Variants in SLC25A31 observed in about 807,000 individuals in gnomAD.
The protein encoded by SLC25A31 is ADP/ATP translocase 4.
In SLC25A31, 40 loss-of-function variants were observed where a neutral mutation model predicts 36.2. The observed-to-expected ratio is 1.10, with a 90% confidence interval of 0.86 to 1.44. The LOEUF (loss-of-function observed/expected upper bound fraction) is 1.44, where lower values mean the gene tolerates loss of function less well. SLC25A31 is among the 40% of genes most tolerant of loss of function. The probability of loss-of-function intolerance (pLI) is 0.00; values close to 1 mark genes in which losing one functional copy is unlikely to be tolerated. For synonymous variants in SLC25A31, 143 were observed against 149.7 expected (o/e 0.96, Z 0.32); for missense variants, 350 against 397.1 (o/e 0.88, Z 1.01).
chr4:127,740,712 A>G (rs890141337), intron 1 of SLC25A31, among the ~76,000 whole-genome samples: 6 of 152,098 alleles, frequency 3.9e-5, no homozygotes, highest in African/African-American at 4.8e-5. Flanking sequence ...TGTGAAGCTG[A>G]GAAGGCCTCC....
intron 2 of SLC25A31, among the ~76,000 whole-genome samples, chr4:127,748,425 A>G (rs1241424826): frequency 6.6e-6 from 1 of 152,018 alleles, no homozygotes; most frequent in Admixed American, 6.6e-5. Context: ...AGCCCCTGTC[A>G]CCCATGGACC....
chr4:127,773,344 G>T (rs1402252767), intron 5 of SLC25A31, 42 bp from the exon 6 acceptor site: 6 of 1,548,908 alleles, frequency 3.9e-6, no homozygotes, highest in Non-Finnish European at 5.3e-6. Flanking sequence ...TAAGATAAAA[G>T]ATATTCAGAT....
chr4:127,753,391 G>T (rs1317504280), intron 2 of SLC25A31, among the ~76,000 whole-genome samples: 1 of 152,014 alleles, frequency 6.6e-6, no homozygotes, highest in Non-Finnish European at 1.5e-5. Flanking sequence ...CTAAGAGTGG[G>T]TTCTTTGAAC....
At chr4:127,742,424 T>C (rs1476519086) in intron 1 of SLC25A31, among the ~76,000 whole-genome samples, 2 of 151,932 alleles carry the variant, frequency 1.3e-5, no homozygotes, top group Admixed American at 6.5e-5. Context: ...ACCAAGTCCT[T>C]CTTCTTATTC....
chr4:127,766,408 C>T (rs548932698), intron 3 of SLC25A31, among the ~76,000 whole-genome samples: 18 of 150,980 alleles, frequency 1.2e-4, no homozygotes, highest in African/African-American at 4.4e-4. Context: ...CCTCGTGATC[C>T]ACCCACCTCA....
At chr4:127,744,068 C>G (rs1420327597) in intron 1 of SLC25A31, among the ~76,000 whole-genome samples, 1 of 152,050 alleles carries the variant, frequency 6.6e-6, no homozygotes, top group Non-Finnish European at 1.5e-5. Context: ...TTGGTCAATC[C>G]CTGGAGAATT....
intron 2 of SLC25A31, among the ~76,000 whole-genome samples, chr4:127,755,894 G>A (rs1057225040): frequency 3.9e-5 from 6 of 152,268 alleles, no homozygotes; most frequent in East Asian, 3.9e-4. Context: ...TTAGCTGAGC[G>A]TGGTGGTGTG....
At chr4:127,755,185 A>G (rs759652237) in intron 2 of SLC25A31, among the ~76,000 whole-genome samples, 1 of 152,190 alleles carries the variant, frequency 6.6e-6, no homozygotes. Context: ...AACATAAAAC[A>G]TTGGGGAAAA....
chr4:127,740,433 T>C (rs1442766248), intron 1 of SLC25A31, among the ~76,000 whole-genome samples: 1 of 152,146 alleles, frequency 6.6e-6, no homozygotes, highest in East Asian at 1.9e-4. Context: ...AGGTTTTATA[T>C]TGGGCTATGG....
At position 127,774,065 on chromosome 4, in the gene SLC25A31, A is replaced by T. The variant is rs1269737995; in HGVS notation, c.*491A>T. 1 of 152,254 alleles carries T rather than the reference A, an allele frequency of 6.6e-6. No homozygotes were observed. Among genetic ancestry groups the T allele is most frequent in the Non-Finnish European group, 1.5e-5 (1 of 68,072 alleles). The allele number at this position is 152,254 out of a possible 1,614,324, so 9.4% of individuals were successfully genotyped here. On this transcript the variant is annotated 3_prime_UTR_variant, in exon 6 of 6. Coordinates refer to ENST00000281154, the MANE Select transcript of SLC25A31 (RefSeq NM_031291.4). ...TCTAAGACAGTTGTTATTACTGTGT[A>T]TAATATTTACAGTATCAGCCTTTGA... is the stretch of plus-strand genomic sequence containing the variant.
At chr4:127,731,337 G>C (rs1451051018) in intron 1 of SLC25A31, among the ~76,000 whole-genome samples, 2 of 151,958 alleles carry the variant, frequency 1.3e-5, no homozygotes, top group African/African-American at 4.8e-5. Flanking sequence ...AAGACCAAGG[G>C]GGTACTTCGT....
intron 1 of SLC25A31, among the ~76,000 whole-genome samples, chr4:127,743,135 T>C (rs959789338): frequency 3.3e-5 from 5 of 150,490 alleles, no homozygotes; most frequent in African/African-American, 9.7e-5. Context: ...CTTTTCTTTT[T>C]TTTTTTTTTT....
intron 1 of SLC25A31, among the ~76,000 whole-genome samples, chr4:127,744,129 T>A (rs1438486729): frequency 2.0e-5 from 3 of 152,220 alleles, no homozygotes; most frequent in East Asian, 3.8e-4. Context: ...TCTCCCTCAG[T>A]TCTCTAGAAA....
rs1732199661 is a variant in SLC25A31, at chr4:127,764,360, G to A, written c.478G>A (p.Gly160Ser). Reference sequence around the variant, plus strand: ...CCGATTAGGTGTCGATATTGGAAAAGGTATGAGATTTTTAGAAATACTAAC... The same window carrying A: ...CCGATTAGGTGTCGATATTGGAAAAAGTATGAGATTTTTAGAAATACTAAC... ...RTRLGVDIGK[G>S]PEERQFKGLG... The change falls in exon 3 of 6, where the codon GGT (glycine) becomes AGT (serine). Residue 160 changes from glycine to serine, a missense_variant and splice_region_variant. Coordinates refer to ENST00000281154, the MANE Select transcript of SLC25A31 (RefSeq NM_031291.4). 6.2e-7 allele frequency: 1 copy of A among 1,605,250 alleles called. No individual in the cohort carries two copies. Among genetic ancestry groups the A allele is most frequent in the African/African-American group, 1.3e-5 (1 of 74,658 alleles).
At chr4:127,734,686 T>C (rs1346582704) in intron 1 of SLC25A31, among the ~76,000 whole-genome samples, 1 of 152,104 alleles carries the variant, frequency 6.6e-6, no homozygotes, top group African/African-American at 2.4e-5. Flanking sequence ...CCAAACCCAT[T>C]TTTCTGAAGA....
chr4:127,773,084 A>G (rs1480649793), intron 5 of SLC25A31, among the ~76,000 whole-genome samples: 3 of 152,124 alleles, frequency 2.0e-5, no homozygotes, highest in Non-Finnish European at 4.4e-5. Context: ...TGCCTAGCCC[A>G]TATGGTATTT....
intron 2 of SLC25A31, among the ~76,000 whole-genome samples, chr4:127,756,711 A>G (rs1732038599): frequency 2.6e-5 from 4 of 152,234 alleles, no homozygotes; most frequent in Admixed American, 2.0e-4. Flanking sequence ...TCAACTAAAA[A>G]AATTTTTAAG....
chr4:127,769,768 C>T (rs943960641), intron 5 of SLC25A31, among the ~76,000 whole-genome samples: 4 of 152,246 alleles, frequency 2.6e-5, no homozygotes, highest in African/African-American at 9.6e-5. Flanking sequence ...AATGATCAGA[C>T]GTGGTCTCCT....
chr4:127,746,049 C>T (rs889590522), intron 2 of SLC25A31, among the ~76,000 whole-genome samples: 2 of 152,136 alleles, frequency 1.3e-5, no homozygotes, highest in Non-Finnish European at 1.5e-5. Context: ...CAAGTGAGAA[C>T]ATGCAGTATT....
Sources: allele counts gnomAD v4.1 joint callset (sites outside exome capture counted in the v4.1 genomes callset), GRCh38; gene constraint gnomAD v4.1.1; transcripts MANE v1.5; gene names NCBI Gene and HGNC (gene_info 2026-07-23, HGNC 2026-07-21).